The following MCTP1 variants were observed in gnomAD, a reference collection of about 807,000 sequenced individuals.
MCTP1 encodes multiple C2 and transmembrane domain containing 1.
A neutral mutation model predicts 120.6 loss-of-function variants in MCTP1; 69 were observed. The ratio of observed to expected loss-of-function variants is 0.57; its 90% CI spans 0.47 to 0.70. The LOEUF is 0.70. MCTP1 is among the 30% of genes least tolerant of loss of function. MCTP1 has a pLI of 0.00. For missense variants in MCTP1, 1,203 were observed against 1,248.8 expected (o/e 0.96, Z 0.55); for synonymous variants, 529 against 493.1 (o/e 1.07, Z -0.96).
At position 94,870,988 on chromosome 5, in the gene MCTP1, CAT is replaced by C. The variant is rs1485477738; in HGVS notation, c.2140-17_2140-16del. 1.9e-6 allele frequency: 3 copies of C among 1,603,458 alleles called. No homozygotes were observed. The highest frequency in any genetic ancestry group is 1.7e-5 in the Admixed American group (1 of 59,890). ...CCATTTTGAATCTGCGGGAAAAGGA[CAT>C]GACAGCCGTCTGTCTCGCGGTCTCT... is the stretch of plus-strand genomic sequence containing the variant. On this transcript the variant is annotated splice_polypyrimidine_tract_variant and intron_variant, in intron 14 of 22. Coordinates refer to ENST00000515393, the MANE Select transcript of MCTP1 (RefSeq NM_024717.7).
At chr5:94,947,573 TATATAGAGAGAGAG>T (rs1427983275) in intron 3 of MCTP1, among the ~76,000 whole-genome samples, 1 of 47,042 alleles carries the variant, frequency 2.1e-5, no homozygotes. Flanking sequence ...TATATATATA[TATATAGAGAGAGAG>T]AGAGAGAGAG....
At chr5:95,063,868 T>C (rs1749915693) in intron 1 of MCTP1, among the ~76,000 whole-genome samples, 1 of 152,168 alleles carries the variant, frequency 6.6e-6, no homozygotes, top group Non-Finnish European at 1.5e-5. Flanking sequence ...CTCTAAAGTG[T>C]AATCCACAAA....
intron 1 of MCTP1, among the ~76,000 whole-genome samples, chr5:95,092,230 A>G (rs935523585): frequency 6.6e-6 from 1 of 152,206 alleles, no homozygotes; most frequent in Non-Finnish European, 1.5e-5. Context: ...GAGGAAAGAG[A>G]TGAGCTAAAG....
chr5:95,114,560 T>C (rs1036206747), intron 1 of MCTP1, among the ~76,000 whole-genome samples: 2 of 152,152 alleles, frequency 1.3e-5, no homozygotes, highest in Non-Finnish European at 2.9e-5. Context: ...CGGGTGAGGC[T>C]CCTCTGCCTG....
At chr5:95,139,214 A>C (rs1050149001) in intron 1 of MCTP1, among the ~76,000 whole-genome samples, 3 of 152,240 alleles carry the variant, frequency 2.0e-5, no homozygotes, top group African/African-American at 7.2e-5. Context: ...GATGCATGCT[A>C]ATTGCCAGAA....
At chr5:94,787,622 G>GTTTTT (rs11432604) in intron 18 of MCTP1, among the ~76,000 whole-genome samples, 34 of 141,438 alleles carry the variant, frequency 2.4e-4, no homozygotes, top group African/African-American at 8.3e-4. Flanking sequence ...GTTTTTTTTT[G>GTTTTT]TTTTTTTTTT....
chr5:94,996,861 C>T (rs1308809397), intron 2 of MCTP1, among the ~76,000 whole-genome samples: 7 of 152,026 alleles, frequency 4.6e-5, no homozygotes, highest in Non-Finnish European at 1.0e-4. Flanking sequence ...ATTTTATGAC[C>T]ATGGTCAATT....
intron 1 of MCTP1, among the ~76,000 whole-genome samples, chr5:95,259,809 A>G (rs1758297012): frequency 6.6e-6 from 1 of 152,190 alleles, no homozygotes; most frequent in Admixed American, 6.5e-5. Flanking sequence ...ATCCTGCTTC[A>G]GCAAAAAATT....
chr5:95,218,928 C>G (rs1753346301), intron 1 of MCTP1, among the ~76,000 whole-genome samples: 1 of 152,146 alleles, frequency 6.6e-6, no homozygotes, highest in African/African-American at 2.4e-5. Context: ...GTATTATAAT[C>G]TTCTGGAACC....
intron 7 of MCTP1, among the ~76,000 whole-genome samples, chr5:94,919,050 G>A (rs1338150734): frequency 1.3e-5 from 2 of 152,032 alleles, no homozygotes; most frequent in African/African-American, 4.8e-5. Flanking sequence ...GAAATTAATT[G>A]GTATAGGAGT....
Position 94,954,172 on chromosome 5 carries a change from A to ATATATATATATGCATATATATACATG in MCTP1, c.839-812_839-811insCATGTATATATATGCATATATATATA, listed in dbSNP as rs1561919055. 5.1e-5 allele frequency among the ~76,000 whole-genome samples: 2 copies of ATATATATATATGCATATATATACATG among 38,980 alleles called. 1 individual carries two copies. The highest frequency in any genetic ancestry group is 2.4e-4 in the African/African-American group (2 of 8,256). 25.6% of individuals were successfully genotyped at this position (38,980 alleles called of 152,430 possible). ...CATATATATATGCATATATATACATATATATATATGCATATATATATATAT... is the reference window on the plus strand; with the variant it reads ...CATATATATATGCATATATATACATATATATATATATGCATATATATACATGTATATATATGCATATATATATATAT... On this transcript the variant is annotated intron_variant, in intron 2 of 22. Transcript: ENST00000515393.
At chr5:94,826,754 G>A in intron 17 of MCTP1, 1 of 189,056 alleles carries the variant, frequency 5.3e-6, no homozygotes, top group Non-Finnish European at 9.9e-6. Flanking sequence ...TTATCAGAGA[G>A]TAGGGTTGTG....
chr5:94,999,102 A>G (rs1056079190), intron 2 of MCTP1, among the ~76,000 whole-genome samples: 14 of 152,364 alleles, frequency 9.2e-5, no homozygotes, highest in African/African-American at 3.4e-4. Context: ...TGGTTAATAC[A>G]TACTTTGTAT....
chr5:95,207,928 C>CGAGAGAGAGAGA (rs753843212), intron 1 of MCTP1, among the ~76,000 whole-genome samples: 1 of 84,604 alleles, frequency 1.2e-5, no homozygotes, highest in Non-Finnish European at 2.4e-5. Flanking sequence ...AATGAGCGGG[C>CGAGAGAGAGAGA]GAGAGAGAGA....
intron 19 of MCTP1, among the ~76,000 whole-genome samples, chr5:94,763,656 G>T (rs147253787): frequency 6.6e-6 from 1 of 152,066 alleles, no homozygotes; most frequent in Non-Finnish European, 1.5e-5. Flanking sequence ...ATACTGTGTC[G>T]CATTCATCTG....
chr5:94,916,658 C>T (rs1366536762), intron 8 of MCTP1, among the ~76,000 whole-genome samples: 1 of 152,252 alleles, frequency 6.6e-6, no homozygotes, highest in African/African-American at 2.4e-5. Flanking sequence ...TTCTGAGTCA[C>T]TTGCTGCTCT....
chr5:95,258,330 T>G (rs892765038), intron 1 of MCTP1, among the ~76,000 whole-genome samples: 4 of 152,118 alleles, frequency 2.6e-5, no homozygotes, highest in African/African-American at 9.7e-5. Flanking sequence ...AACCCATGAC[T>G]CCAGTCTAAT....
At chr5:94,710,743 T>C (rs1756629512) in intron 21 of MCTP1, 75 bp downstream of exon 21, 6 of 897,706 alleles carry the variant, frequency 6.7e-6, no homozygotes, top group Non-Finnish European at 1.1e-5. Flanking sequence ...CTGCTGACAG[T>C]GTAACTCATC....
chr5:94,714,443 GGTTT>G (rs1450741756), intron 20 of MCTP1, among the ~76,000 whole-genome samples: 6 of 151,252 alleles, frequency 4.0e-5, no homozygotes, highest in Non-Finnish European at 5.9e-5. Context: ...CATTTAGCTT[GGTTT>G]ATTTTTTTCC....
Sources: allele counts gnomAD v4.1 joint callset (sites outside exome capture counted in the v4.1 genomes callset), GRCh38; gene constraint gnomAD v4.1.1; transcripts MANE v1.5; gene names NCBI Gene and HGNC (gene_info 2026-07-23, HGNC 2026-07-21).